The following CDH4 variants were observed in gnomAD, a reference collection of about 807,000 sequenced individuals.
The protein encoded by CDH4 is cadherin 4, also known as cadherin-4.
Under a neutral mutation model 86.0 loss-of-function variants are expected in CDH4, and 33 were observed. The observed-to-expected ratio is 0.38, with a 90% CI of 0.29 to 0.51. The LOEUF is 0.51. Ranked by LOEUF, CDH4 falls within the 20% of genes least tolerant of loss-of-function variation. The pLI, the probability that CDH4 is intolerant of heterozygous loss-of-function variation, is 0.86. For missense variants in CDH4, 1,114 were observed against 1,307.4 expected (o/e 0.85, Z 2.28); for synonymous variants, 555 against 549.4 (o/e 1.01, Z -0.14).
At chr20:61,338,716 A>G (rs1432691116) in intron 2 of CDH4, among the ~76,000 whole-genome samples, 1 of 152,226 alleles carries the variant, frequency 6.6e-6, no homozygotes, top group Admixed American at 6.5e-5. Flanking sequence ...TAGAATTAAA[A>G]AGAGACTTTT....
chr20:61,743,834 A>G (rs755767287), intron 3 of CDH4, 45 bp downstream of exon 3: 6 of 1,413,836 alleles, frequency 4.2e-6, no homozygotes, highest in East Asian at 2.5e-5. Flanking sequence ...TAGATGACCT[A>G]GTTCCTCCTG....
chr20:61,677,818 G>GGATA (rs10667443), intron 2 of CDH4, among the ~76,000 whole-genome samples: 112,154 of 151,490 alleles, frequency 0.74, 41,832 homozygotes, highest in East Asian at 0.88. Context: ...GAAGATAGAT[G>GGATA]GATAGTGGAT....
intron 2 of CDH4, among the ~76,000 whole-genome samples, chr20:61,693,880 CTTTCT>C (rs1473368802): frequency 3.3e-5 from 4 of 121,004 alleles, no homozygotes; most frequent in African/African-American, 9.3e-5. Flanking sequence ...GACACTCTTT[CTTTCT>C]TTTTTTTTTT....
intron 4 of CDH4, among the ~76,000 whole-genome samples, chr20:61,775,353 C>T (rs977632746): frequency 6.6e-6 from 1 of 151,956 alleles, no homozygotes; most frequent in Non-Finnish European, 1.5e-5. Context: ...CATGCTCTTC[C>T]ACCTTATTTA....
intron 4 of CDH4, among the ~76,000 whole-genome samples, chr20:61,779,279 G>A (rs966965287): frequency 6.6e-6 from 1 of 152,180 alleles, no homozygotes; most frequent in South Asian, 2.1e-4. Flanking sequence ...TCCTGGGTGC[G>A]AATCCTTTCA....
chr20:61,381,182 G>A (rs192864065), intron 2 of CDH4, among the ~76,000 whole-genome samples: 1 of 152,258 alleles, frequency 6.6e-6, no homozygotes, highest in East Asian at 1.9e-4. Flanking sequence ...GCTCCTTAAT[G>A]CGTCTTCCAA....
At chr20:61,838,332 G>A (rs1469018261) in intron 4 of CDH4, among the ~76,000 whole-genome samples, 3 of 152,096 alleles carry the variant, frequency 2.0e-5, no homozygotes, top group African/African-American at 7.2e-5. Context: ...GAGGTAGGGA[G>A]CCCTCGGCTG....
chr20:61,887,085 A>G (rs1433906514), intron 7 of CDH4, among the ~76,000 whole-genome samples: 1 of 152,206 alleles, frequency 6.6e-6, no homozygotes, highest in Non-Finnish European at 1.5e-5. Context: ...CCTCATGAGC[A>G]CATGCCTGGG....
At chr20:61,328,093 T>G in intron 2 of CDH4, among the ~76,000 whole-genome samples, 1 of 152,160 alleles carries the variant, frequency 6.6e-6, no homozygotes, top group Non-Finnish European at 1.5e-5. Flanking sequence ...AGGGAGCAGG[T>G]TAGAGGATGC....
At chr20:61,415,545 C>T (rs1034396227) in intron 2 of CDH4, among the ~76,000 whole-genome samples, 9 of 152,106 alleles carry the variant, frequency 5.9e-5, no homozygotes, top group Non-Finnish European at 8.8e-5. Context: ...CACTCTCCCC[C>T]GCCCCTGGCC....
At chr20:61,652,944 T>TTTA (rs1568735053) in intron 2 of CDH4, among the ~76,000 whole-genome samples, 9 of 112,444 alleles carry the variant, frequency 8.0e-5, no homozygotes, top group Non-Finnish European at 1.6e-4. Context: ...ATTTATTTTT[T>TTTA]TTTTTTTTTT....
chr20:61,899,577 G>A (rs536728010), intron 8 of CDH4, among the ~76,000 whole-genome samples: 15 of 152,116 alleles, frequency 9.9e-5, no homozygotes, highest in Middle Eastern at 3.4e-3. Context: ...ACAGGCGCCT[G>A]CCACCACGCC....
chr20:61,500,666 G>T (rs1045088397), intron 2 of CDH4, among the ~76,000 whole-genome samples: 4 of 152,228 alleles, frequency 2.6e-5, no homozygotes, highest in African/African-American at 4.8e-5. Flanking sequence ...ATCATAAGAA[G>T]GTAGGGCTGT....
chr20:61,518,412 G>C lies in CDH4; in HGVS notation c.170-225151G>C, dbSNP rs752384879. ...CCAAATTCTCTGTTATGATGAGGCTGTCCATCATCCATCTGTCATCCACTC... is the reference window on the plus strand; with the variant it reads ...CCAAATTCTCTGTTATGATGAGGCTCTCCATCATCCATCTGTCATCCACTC... On this transcript the variant is annotated intron_variant, in intron 2 of 15. Coordinates refer to ENST00000614565, the MANE Select transcript of CDH4 (RefSeq NM_001794.5). The surrounding 1 kb of genome is among the most constrained non-coding windows in gnomAD (Gnocchi z 6.3). Among the ~76,000 whole-genome samples, 1 of 152,100 alleles carries C rather than the reference G, an allele frequency of 6.6e-6. No homozygotes were observed. Among genetic ancestry groups the C allele is most frequent in the African/African-American group, 2.4e-5 (1 of 41,424 alleles).
In CDH4 at chr20:61,547,936, A is replaced by G. The variant is rs367801470; in HGVS notation, c.170-195627A>G. Among the ~76,000 whole-genome samples the G allele has an allele frequency of 3.9e-5, 6 of 152,256 alleles. No individual in the cohort carries two copies. The South Asian group carries it at 8.3e-4, about 21-fold the overall frequency. ...TCTGCTGGCATAGAGTAAGCTTTAG[A>G]TAACAGCGTGAAATAAATAAAAACA... On this transcript the variant is annotated intron_variant, in intron 2 of 15. Coordinates refer to ENST00000614565, the MANE Select transcript of CDH4 (RefSeq NM_001794.5).
At chr20:61,539,284 G>A (rs2086021672) in intron 2 of CDH4, among the ~76,000 whole-genome samples, 1 of 152,198 alleles carries the variant, frequency 6.6e-6, no homozygotes, top group Non-Finnish European at 1.5e-5. Context: ...TGTCCACAGT[G>A]TAGGTGTATT....
At chr20:61,624,863 C>T (rs558757169) in intron 2 of CDH4, among the ~76,000 whole-genome samples, 9 of 152,206 alleles carry the variant, frequency 5.9e-5, no homozygotes, top group Admixed American at 5.2e-4. Flanking sequence ...AGCCCCTCAC[C>T]GCCTGCCAGG....
At position 61,282,122 on chromosome 20, in the gene CDH4, G is replaced by A. The variant is rs547449602; in HGVS notation, c.169+27185G>A. 4.2e-4 allele frequency among the ~76,000 whole-genome samples: 64 copies of A among 152,346 alleles called. 1 individual carries two copies. The South Asian group carries it at 0.013, about 31-fold the overall frequency. On this transcript the variant is annotated intron_variant, in intron 2 of 15. Transcript: ENST00000614565. ...GCCTGTAATCCCAGCACTTTGGGAG[G>A]CTGAGGTGGGTGGATCATTTGAGGT...
chr20:61,422,923 T>C (rs754334859), intron 2 of CDH4, among the ~76,000 whole-genome samples: 1 of 152,172 alleles, frequency 6.6e-6, no homozygotes, highest in Non-Finnish European at 1.5e-5. Flanking sequence ...GGATTCCATC[T>C]GGGAAAAAAC....
Sources: allele counts gnomAD v4.1 joint callset (sites outside exome capture counted in the v4.1 genomes callset), GRCh38; gene constraint gnomAD v4.1.1; non-coding constraint Gnocchi (gnomAD v3.1); transcripts MANE v1.5; gene names NCBI Gene and HGNC (gene_info 2026-07-23, HGNC 2026-07-21).